The following ERCC1 variants were observed in gnomAD, a reference collection of about 807,000 sequenced individuals.
ERCC1 encodes ERCC excision repair 1, endonuclease non-catalytic subunit.
In ERCC1, 36 loss-of-function variants were observed where a neutral mutation model predicts 37.6. The observed-to-expected ratio is 0.96, with a 90% confidence interval of 0.73 to 1.26. The LOEUF (loss-of-function observed/expected upper bound fraction) is 1.26, where lower values mean the gene tolerates loss of function less well. Ranked by LOEUF, ERCC1 falls within the 50% of genes most tolerant of loss-of-function variation. The probability of loss-of-function intolerance (pLI) is 0.00; values close to 1 mark genes in which losing one functional copy is unlikely to be tolerated. For synonymous variants in ERCC1, 156 were observed against 162.1 expected, an observed-to-expected ratio of 0.96 and a Z score of 0.28; for missense variants, 349 against 376.5, an observed-to-expected ratio of 0.93 and a Z score of 0.60.
In ERCC1 at chr19:45,408,828, C is replaced by A. The variant is rs767701108; in HGVS notation, c.*847G>T. On this transcript the variant is annotated 3_prime_UTR_variant, in exon 10 of 10. Coordinates refer to ENST00000300853, the MANE Select transcript of ERCC1 (RefSeq NM_001983.4). ...CTAGAAGACACAGTCCTGTCCCCGA[C>A]CAAAAAGAGAAAGAGGCAAAAGGGG... 50 of 1,613,942 alleles carry A rather than the reference C, an allele frequency of 3.1e-5. No homozygotes were observed. The highest frequency in any genetic ancestry group is 5.5e-5 in the South Asian group (5 of 91,070).
chr19:45,440,380 C>G (rs1459629009), intron 1 of ERCC1, among the ~76,000 whole-genome samples: 2 of 152,094 alleles, frequency 1.3e-5, no homozygotes, highest in Admixed American at 6.6e-5. Flanking sequence ...TCCTCAAGGC[C>G]AACCTTTATG....
In ERCC1 at chr19:45,408,905, G is replaced by T; in HGVS notation, c.*770C>A. On this transcript the variant is annotated 3_prime_UTR_variant, in exon 10 of 10. Coordinates refer to ENST00000300853, the MANE Select transcript of ERCC1 (RefSeq NM_001983.4). ...GGTGACAGTTGAGTCTCAGCCACAG[G>T]TGAAGGTGGAGCCACTGGAGGAAGC... is the stretch of plus-strand genomic sequence containing the variant. The T allele has an allele frequency of 6.2e-7, 1 of 1,614,130 alleles. No homozygotes were observed. The highest frequency in any genetic ancestry group is 1.1e-5 in the South Asian group (1 of 91,084).
chr19:45,408,250 G>A lies in ERCC1; in HGVS notation c.*1425C>T, dbSNP rs754399021. 1 of 1,614,158 alleles carries A rather than the reference G, an allele frequency of 6.2e-7. No individual in the cohort carries two copies. Among genetic ancestry groups the A allele is most frequent in the Non-Finnish European group, 8.5e-7 (1 of 1,180,026 alleles). ...GTCCCCAAGCTGGAGAAGCGACCCT[G>A]CTGGCCCCCTCAACGGAGGCAGGAG... On this transcript the variant is annotated 3_prime_UTR_variant, in exon 10 of 10. Transcript: ENST00000300853.
intron 1 of ERCC1, among the ~76,000 whole-genome samples, chr19:45,431,223 T>G (rs191158983): frequency 1.3e-5 from 2 of 152,356 alleles, no homozygotes; most frequent in Non-Finnish European, 2.9e-5. Flanking sequence ...AGGACCCAGC[T>G]GTCTTCTGTT....
At chr19:45,426,404 A>G (rs2123555832), upstream of ERCC1, among the ~76,000 whole-genome samples, 1 of 146,638 alleles carries the variant, frequency 6.8e-6, no homozygotes, top group African/African-American at 2.6e-5. Flanking sequence ...AAAAAAAATT[A>G]GCCGGGCATG....
At chr19:45,423,208 T>A in intron 2 of ERCC1, 62 bp downstream of exon 2, 1 of 1,512,482 alleles carries the variant, frequency 6.6e-7, no homozygotes, top group Non-Finnish European at 9.0e-7. Flanking sequence ...ACAGGCCCCA[T>A]CCTATCCTCT....
At chr19:45,414,310 T>C (rs1973917814) in intron 7 of ERCC1, 2 of 492,062 alleles carry the variant, frequency 4.1e-6, no homozygotes, top group South Asian at 4.1e-5. Flanking sequence ...ACCCCATCTT[T>C]ACTAAAAAAT....
chr19:45,444,537 C>G (rs1484056082), intron 1 of ERCC1, among the ~76,000 whole-genome samples: 2 of 152,182 alleles, frequency 1.3e-5, no homozygotes, highest in Non-Finnish European at 2.9e-5. Flanking sequence ...GCGCGCCAAA[C>G]CCTCGGCCTT....
At chr19:45,446,997 A>G (rs1254913069) in intron 1 of ERCC1, among the ~76,000 whole-genome samples, 1 of 150,810 alleles carries the variant, frequency 6.6e-6, no homozygotes, top group Admixed American at 6.6e-5. Flanking sequence ...GACTCTGTCT[A>G]AAAAAAAAGA....
At chr19:45,450,902 C>CT (rs1568604688) in intron 1 of ERCC1, among the ~76,000 whole-genome samples, 2 of 86,046 alleles carry the variant, frequency 2.3e-5, no homozygotes, top group East Asian at 3.5e-4. Flanking sequence ...CCCCCCCCCC[C>CT]CCCACGCCCG....
chr19:45,441,206 CA>C (rs879814251), intron 1 of ERCC1, among the ~76,000 whole-genome samples: 8 of 152,000 alleles, frequency 5.3e-5, no homozygotes, highest in Admixed American at 5.2e-4. Context: ...GTGCCCACTC[CA>C]AGCATCAGTG....
chr19:45,436,401 C>T (rs1263176913), intron 1 of ERCC1, among the ~76,000 whole-genome samples: 1 of 151,748 alleles, frequency 6.6e-6, no homozygotes, highest in Non-Finnish European at 1.5e-5. Flanking sequence ...CCGAGGCGGG[C>T]GGATCACGAG....
intron 1 of ERCC1, among the ~76,000 whole-genome samples, chr19:45,442,061 C>T (rs544107846): frequency 4.0e-5 from 6 of 151,778 alleles, no homozygotes; most frequent in African/African-American, 1.4e-4. Flanking sequence ...TAATCCCACC[C>T]AGCACTTTGG....
chr19:45,428,405 GT>G (rs1214548290), upstream of ERCC1, among the ~76,000 whole-genome samples: 1 of 152,034 alleles, frequency 6.6e-6, no homozygotes, highest in Non-Finnish European at 1.5e-5. Flanking sequence ...AGCCTAAGCT[GT>G]TTCAAAACTA....
At chr19:45,443,747 G>T (rs1975181732) in intron 1 of ERCC1, among the ~76,000 whole-genome samples, 2 of 151,906 alleles carry the variant, frequency 1.3e-5, no homozygotes, top group Non-Finnish European at 2.9e-5. Context: ...AGTGGCAGGG[G>T]CTCCCCCTCT....
chr19:45,426,844 C>T (rs1974705182), upstream of ERCC1, among the ~76,000 whole-genome samples: 2 of 150,876 alleles, frequency 1.3e-5, no homozygotes, highest in East Asian at 2.0e-4. Context: ...CCTGTAATCC[C>T]AGCACTTTGG....
chr19:45,423,304 A>G lies in ERCC1; in HGVS notation c.71T>C (p.Ile24Thr). 6.2e-7 allele frequency: 1 copy of G among 1,613,762 alleles called. No homozygotes were observed. The highest frequency in any genetic ancestry group is 1.1e-5 in the South Asian group (1 of 90,982). ...AGGGACCTCATCCTCGTCGAGGGGT[A>G]TCACAAATTTCTTCCTTGCTGGCGG... ...SGPPARKKFVIPLDEDEVPPG... is the reference protein window; with the variant it reads ...SGPPARKKFVTPLDEDEVPPG... The change falls in exon 2 of 10, where the codon ATA (isoleucine) becomes ACA (threonine). Residue 24 changes from isoleucine (I) to threonine (T), a missense_variant. Coordinates refer to ENST00000300853, the MANE Select transcript of ERCC1 (RefSeq NM_001983.4).
chr19:45,423,393 G>C lies in ERCC1; in HGVS notation c.-7-12C>G. 1 of 1,603,708 alleles carries C rather than the reference G, an allele frequency of 6.2e-7. No homozygotes were observed. Among genetic ancestry groups the C allele is most frequent in the Middle Eastern group, 1.7e-4 (1 of 6,048 alleles). On this transcript the variant is annotated splice_polypyrimidine_tract_variant and intron_variant, in intron 1 of 9. Coordinates refer to ENST00000300853, the MANE Select transcript of ERCC1 (RefSeq NM_001983.4). Reference sequence around the variant, plus strand: ...GGTCCATCTGGAGCCTGAAAGGGAAGGTGCCAGGAGCGAGTGAGCCACTGG... The same window carrying C: ...GGTCCATCTGGAGCCTGAAAGGGAACGTGCCAGGAGCGAGTGAGCCACTGG...
chr19:45,447,667 C>T (rs1045221128), intron 1 of ERCC1, among the ~76,000 whole-genome samples: 11 of 152,066 alleles, frequency 7.2e-5, no homozygotes, highest in Admixed American at 5.2e-4. Context: ...GTCTCTCTCA[C>T]GCCTCCACAC....
Sources: allele counts gnomAD v4.1 joint callset (sites outside exome capture counted in the v4.1 genomes callset), GRCh38; gene constraint gnomAD v4.1.1; transcripts MANE v1.5; gene names NCBI Gene and HGNC (gene_info 2026-07-23, HGNC 2026-07-21).